KLHL1: variants seen among roughly 807,000 people sequenced by gnomAD.
KLHL1 encodes the protein kelch like family member 1, also known as kelch-like protein 1.
KLHL1 carries 47 observed loss-of-function variants against 77.7 expected under a neutral mutation model. The observed-to-expected ratio is 0.60, with a 90% confidence interval of 0.48 to 0.77. The LOEUF (loss-of-function observed/expected upper bound fraction) is 0.77. Among genes scored for constraint, KLHL1 ranks in the 30% least tolerant of loss-of-function variants. The pLI is 0.00. For synonymous variants in KLHL1, 360 were observed against 325.2 expected (o/e 1.11, Z -1.15); for missense variants, 925 against 910.8 (o/e 1.02, Z -0.20).
Position 70,046,459 on chromosome 13 carries a change from G to T in KLHL1, c.497+60744C>A, listed in dbSNP as rs567750954. Among the ~76,000 whole-genome samples the T allele has an allele frequency of 9.5e-4, 144 of 152,086 alleles. 1 individual carries two copies. The highest frequency in any genetic ancestry group is 1.8e-3 in the Non-Finnish European group (125 of 67,932). On this transcript the variant is annotated intron_variant, in intron 1 of 10. Transcript: ENST00000377844. Reference sequence around the variant, plus strand: ...GGACCCAGGTTCATCTCACTTCATGGTCTATTGTTTTTGTTTGTTTGTTTT... The same window carrying T: ...GGACCCAGGTTCATCTCACTTCATGTTCTATTGTTTTTGTTTGTTTGTTTT...
intron 4 of KLHL1, among the ~76,000 whole-genome samples, chr13:69,910,717 T>C (rs547783788): frequency 1.3e-5 from 2 of 151,856 alleles, no homozygotes; most frequent in East Asian, 3.9e-4. Flanking sequence ...TGGATAGACG[T>C]GATAAAGCCC....
intron 7 of KLHL1, among the ~76,000 whole-genome samples, chr13:69,761,060 G>A (rs1031841335): frequency 1.3e-5 from 2 of 152,084 alleles, no homozygotes; most frequent in African/African-American, 4.8e-5. Flanking sequence ...GCCAGGAAAA[G>A]CTTAACTTTA....
chr13:69,731,002 TTAAG>T (rs1305927030), intron 8 of KLHL1, among the ~76,000 whole-genome samples: 7 of 152,030 alleles, frequency 4.6e-5, no homozygotes, highest in Admixed American at 1.3e-4. Flanking sequence ...GACTTCCAAA[TTAAG>T]TGTCTTTAAA....
chr13:69,703,436 A>G (rs1244431073), intron 10 of KLHL1, among the ~76,000 whole-genome samples: 1 of 147,608 alleles, frequency 6.8e-6, no homozygotes, highest in Non-Finnish European at 1.5e-5. Context: ...TAAAAATTTA[A>G]GAGTTTAAAA....
At chr13:69,931,220 G>A (rs2482567) in intron 4 of KLHL1, among the ~76,000 whole-genome samples, 132,223 of 151,632 alleles carry the variant, frequency 0.87, 58,253 homozygotes, top group Non-Finnish European at 0.94. Context: ...TTAAGAAATG[G>A]TTACTATAAT....
Position 69,849,053 on chromosome 13 carries a change from T to A in KLHL1, c.1228-9891A>T, listed in dbSNP as rs1879581963. On this transcript the variant is annotated intron_variant, in intron 5 of 10. Coordinates refer to ENST00000377844, the MANE Select transcript of KLHL1 (RefSeq NM_020866.3). ...GAACATCGCCTTCATCCTTAATGAT[T>A]TAATTGCATCCGATTTGGGCTCAGC... Among the ~76,000 whole-genome samples, 3 of 151,580 alleles carry A rather than the reference T, an allele frequency of 2.0e-5. No homozygotes were observed. The South Asian group carries it at 6.2e-4, about 31-fold the overall frequency.
At chr13:69,920,560 A>G (rs1042107874) in intron 4 of KLHL1, among the ~76,000 whole-genome samples, 1 of 152,136 alleles carries the variant, frequency 6.6e-6, no homozygotes, top group Non-Finnish European at 1.5e-5. Flanking sequence ...GAGGAGCAAT[A>G]TAACAATGTA....
intron 3 of KLHL1, 134 bp downstream of exon 3, chr13:69,961,174 T>C: frequency 5.6e-6 from 4 of 715,292 alleles, no homozygotes; most frequent in Non-Finnish European, 8.9e-6. Flanking sequence ...AGTCTGATTT[T>C]TGATCTACTA....
At chr13:69,915,724 A>C (rs1593945651) in intron 4 of KLHL1, among the ~76,000 whole-genome samples, 1 of 152,146 alleles carries the variant, frequency 6.6e-6, no homozygotes, top group Non-Finnish European at 1.5e-5. Context: ...AATGGCAACA[A>C]AAGCCAAAAT....
intron 1 of KLHL1, among the ~76,000 whole-genome samples, chr13:70,052,402 T>C (rs1886651138): frequency 6.6e-6 from 1 of 151,868 alleles, no homozygotes; most frequent in Non-Finnish European, 1.5e-5. Flanking sequence ...GGAGCAAGTA[T>C]ATACCAAAGA....
Position 69,757,768 on chromosome 13 carries a change from C to G in KLHL1, c.1640-17212G>C, listed in dbSNP as rs73504023. Reference sequence around the variant, plus strand: ...GGAGTTTAAGACCAGCCTGGCCAAACCCCATGGTGAAATCTCGTCCCTACT... The same window carrying G: ...GGAGTTTAAGACCAGCCTGGCCAAAGCCCATGGTGAAATCTCGTCCCTACT... On this transcript the variant is annotated intron_variant, in intron 7 of 10. Coordinates refer to ENST00000377844, the MANE Select transcript of KLHL1 (RefSeq NM_020866.3). Among the ~76,000 whole-genome samples the G allele has an allele frequency of 8.6e-5, 13 of 151,002 alleles. 1 individual carries two copies. The highest frequency in any genetic ancestry group is 3.2e-4 in the African/African-American group (13 of 41,228).
At chr13:70,054,294 G>A (rs962780376) in intron 1 of KLHL1, among the ~76,000 whole-genome samples, 2 of 151,880 alleles carry the variant, frequency 1.3e-5, no homozygotes, top group East Asian at 1.9e-4. Context: ...AATACAAATC[G>A]AATTTTTACA....
At chr13:69,917,526 A>C (rs1882486902) in intron 4 of KLHL1, among the ~76,000 whole-genome samples, 1 of 152,134 alleles carries the variant, frequency 6.6e-6, no homozygotes, top group African/African-American at 2.4e-5. Flanking sequence ...AGGAACAAGA[A>C]ACCCTTGGAG....
chr13:69,713,725 G>GT (rs1300359316), intron 9 of KLHL1, among the ~76,000 whole-genome samples: 1 of 151,648 alleles, frequency 6.6e-6, no homozygotes, highest in Non-Finnish European at 1.5e-5. Flanking sequence ...TCATATTTTA[G>GT]TTTATAACAT....
chr13:69,951,123 G>A (rs553656219), intron 3 of KLHL1, among the ~76,000 whole-genome samples: 1 of 151,386 alleles, frequency 6.6e-6, no homozygotes, highest in African/African-American at 2.4e-5. Flanking sequence ...AAAACTAATT[G>A]GTATGTCATT....
intron 4 of KLHL1, among the ~76,000 whole-genome samples, chr13:69,912,159 G>A (rs1882260361): frequency 6.6e-6 from 1 of 152,112 alleles, no homozygotes; most frequent in African/African-American, 2.4e-5. Context: ...TATATAATAT[G>A]GGGTCTTCTC....
At chr13:69,836,150 A>G (rs1373593137) in intron 6 of KLHL1, among the ~76,000 whole-genome samples, 1 of 152,110 alleles carries the variant, frequency 6.6e-6, no homozygotes, top group Non-Finnish European at 1.5e-5. Context: ...TGATTGATTC[A>G]TAAGCAGCTC....
intron 4 of KLHL1, among the ~76,000 whole-genome samples, chr13:69,921,108 A>G (rs781683168): frequency 6.6e-6 from 1 of 152,218 alleles, no homozygotes; most frequent in Non-Finnish European, 1.5e-5. Context: ...AAATTTGACC[A>G]GTAGAGAGTT....
chr13:69,869,024 T>C (rs1209213020), intron 5 of KLHL1, among the ~76,000 whole-genome samples: 2 of 152,096 alleles, frequency 1.3e-5, no homozygotes, highest in African/African-American at 4.8e-5. Context: ...CAGACCTGAA[T>C]TGGCCTGATA....
Sources: allele counts gnomAD v4.1 joint callset (sites outside exome capture counted in the v4.1 genomes callset), GRCh38; gene constraint gnomAD v4.1.1; transcripts MANE v1.5; gene names NCBI Gene and HGNC (gene_info 2026-07-23, HGNC 2026-07-21).